The following TENM1 variants were observed in gnomAD, a reference collection of about 807,000 sequenced individuals.
TENM1 encodes teneurin-1.
Under a neutral mutation model 174.8 loss-of-function variants are expected in TENM1, and 35 were observed. The ratio of observed to expected loss-of-function variants is 0.20; its 90% CI spans 0.15 to 0.27. The LOEUF (loss-of-function observed/expected upper bound fraction) is 0.27, where lower values mean the gene tolerates loss of function less well. Ranked by LOEUF, TENM1 falls within the 10% of genes least tolerant of loss-of-function variation. TENM1 has a pLI of 1.00. For missense variants in TENM1, 1,633 were observed against 2,130.1 expected, an observed-to-expected ratio of 0.77 and a Z score of 4.59; for synonymous variants, 781 against 798.7, an observed-to-expected ratio of 0.98 and a Z score of 0.37.
intron 22 of TENM1, among the ~76,000 whole-genome samples, chrX:124,458,158 C>T (rs930462784): frequency 8.9e-6 from 1 of 111,763 alleles, no homozygotes; most frequent in Non-Finnish European, 1.9e-5. Context: ...CATTCCAATT[C>T]TCTGAAAATT....
chrX:124,503,758 T>C, intron 18 of TENM1, 55 bp from the exon 22 acceptor site: 2 of 1,043,480 alleles, frequency 1.9e-6, no homozygotes, highest in Non-Finnish European at 2.6e-6. Context: ...TTGCTTCATG[T>C]TTATACTAGT....
At chrX:125,170,461 T>A in the TENM1 span, among the ~76,000 whole-genome samples, 6 of 111,683 alleles carry the variant, frequency 5.4e-5, no homozygotes, top group African/African-American at 1.9e-4. Flanking sequence ...CAGTTTCAGA[T>A]GCATATTCAG....
chrX:124,738,588 T>G (rs1293235356), intron 3 of TENM1, among the ~76,000 whole-genome samples: 1 of 111,804 alleles, frequency 8.9e-6, no homozygotes, highest in Non-Finnish European at 1.9e-5. Flanking sequence ...CAGCTATCCT[T>G]GTATATTTTA....
At chrX:124,776,794 G>A (rs1158529324) in intron 3 of TENM1, among the ~76,000 whole-genome samples, 2 of 111,641 alleles carry the variant, frequency 1.8e-5, no homozygotes, top group African/African-American at 6.5e-5. Flanking sequence ...CCTTTTTTGT[G>A]AGTAGCCTTC....
intron 3 of TENM1, among the ~76,000 whole-genome samples, chrX:124,860,584 C>T (rs1243902350): frequency 9.0e-6 from 1 of 111,684 alleles, no homozygotes; most frequent in Non-Finnish European, 1.9e-5. Context: ...CAGTTTACTA[C>T]CAATGCAGTA....
chrX:124,958,857 G>A (rs187959870), intron 1 of TENM1, among the ~76,000 whole-genome samples: 1 of 111,382 alleles, frequency 9.0e-6, no homozygotes, highest in Admixed American at 9.6e-5. Context: ...TTATTATTGT[G>A]ATGATGGTGA....
the TENM1 span, among the ~76,000 whole-genome samples, chrX:125,164,116 T>C: frequency 2.7e-5 from 3 of 111,939 alleles, no homozygotes; most frequent in South Asian, 3.7e-4. Context: ...AAACTGGTTG[T>C]TTTCACAACA....
intron 5 of TENM1, among the ~76,000 whole-genome samples, chrX:124,699,463 A>G (rs1291643341): frequency 9.0e-6 from 1 of 110,947 alleles, no homozygotes; most frequent in Non-Finnish European, 1.9e-5. Context: ...CTCTTGATGC[A>G]AGACATATAT....
chrX:124,667,040 G>A (rs1442139405), intron 6 of TENM1, among the ~76,000 whole-genome samples: 1 of 111,557 alleles, frequency 9.0e-6, no homozygotes, highest in Non-Finnish European at 1.9e-5. Flanking sequence ...GTGAAACTCG[G>A]TACCTTCTCT....
chrX:124,461,689 T>TA (rs1393237648), intron 22 of TENM1, among the ~76,000 whole-genome samples: 4 of 111,148 alleles, frequency 3.6e-5, no homozygotes, highest in Non-Finnish European at 7.5e-5. Flanking sequence ...ACGTGGGAGC[T>TA]AAAAAAGAGA....
At chrX:124,512,808 A>G (rs2047614235) in intron 18 of TENM1, among the ~76,000 whole-genome samples, 1 of 111,771 alleles carries the variant, frequency 8.9e-6, no homozygotes, top group Admixed American at 9.5e-5. Context: ...AGCTACATGG[A>G]AAACAAGAGT....
At chrX:125,027,920 G>A in the TENM1 span, among the ~76,000 whole-genome samples, 2 of 111,907 alleles carry the variant, frequency 1.8e-5, no homozygotes, top group Non-Finnish European at 3.8e-5. Context: ...TTAAATCAGT[G>A]TGGACCTATA....
intron 3 of TENM1, among the ~76,000 whole-genome samples, chrX:124,798,761 C>T (rs1335288423): frequency 9.0e-6 from 1 of 111,511 alleles, no homozygotes; most frequent in East Asian, 2.8e-4. Context: ...GAAGTCTTTG[C>T]CCATGCCTGT....
intron 1 of TENM1, among the ~76,000 whole-genome samples, chrX:124,920,926 A>AT (rs200677315): frequency 3.3e-5 from 3 of 90,323 alleles, no homozygotes; most frequent in Admixed American, 1.2e-4. Flanking sequence ...CAAATCTGTC[A>AT]TTTTTTTTTC....
chrX:125,199,393 C>T, the TENM1 span, among the ~76,000 whole-genome samples: 3 of 112,261 alleles, frequency 2.7e-5, no homozygotes, highest in Non-Finnish European at 5.6e-5. Flanking sequence ...AGGGGATTAT[C>T]CACCCATGTG....
At chrX:124,656,263 C>T (rs1432349062) in intron 6 of TENM1, among the ~76,000 whole-genome samples, 1 of 112,127 alleles carries the variant, frequency 8.9e-6, no homozygotes, top group African/African-American at 3.2e-5. Flanking sequence ...TTATTCTGCA[C>T]TTTATAGCAT....
intron 27 of TENM1, among the ~76,000 whole-genome samples, chrX:124,396,608 A>C (rs753832666): frequency 2.1e-4 from 23 of 110,522 alleles, no homozygotes; most frequent in Non-Finnish European, 4.4e-4. Context: ...CAGGCCTCCA[A>C]CCTCCTTCTT....
At chrX:125,008,623 G>A in the TENM1 span, among the ~76,000 whole-genome samples, 1 of 111,845 alleles carries the variant, frequency 8.9e-6, no homozygotes. Flanking sequence ...AACCAACCAC[G>A]TAATTGGAAG....
At chrX:125,029,479 C>T in the TENM1 span, among the ~76,000 whole-genome samples, 13 of 111,313 alleles carry the variant, frequency 1.2e-4, no homozygotes, top group African/African-American at 4.3e-4. Flanking sequence ...GGCGGGAAAC[C>T]GAGACTCAAA....
Sources: gnomAD v4.1 joint callset for allele counts (sites outside exome capture counted in the v4.1 genomes callset) on GRCh38, gnomAD v4.1.1 for gene constraint, MANE v1.5 for transcripts, NCBI Gene and HGNC (gene_info 2026-07-23, HGNC 2026-07-21) for gene names.